CCDC88C: variants seen among roughly 807,000 people sequenced by gnomAD.
The protein encoded by CCDC88C is coiled-coil and HOOK domain protein 88C, also known as protein Daple.
A neutral mutation model predicts 198.8 loss-of-function variants in CCDC88C; 131 were observed. The observed-to-expected ratio is 0.66, with a 90% CI of 0.57 to 0.76. The LOEUF is 0.76. Ranked by LOEUF, CCDC88C falls within the 30% of genes least tolerant of loss-of-function variation. The probability of loss-of-function intolerance (pLI) is 0.00; values close to 1 mark genes in which losing one functional copy is unlikely to be tolerated. For missense variants in CCDC88C, 2,553 were observed against 2,631.6 expected, an observed-to-expected ratio of 0.97 and a Z score of 0.65; for synonymous variants, 1,166 against 1,114.7, an observed-to-expected ratio of 1.05 and a Z score of -0.92.
At chr14:91,287,238 C>T (rs572428431) in intron 25 of CCDC88C, among the ~76,000 whole-genome samples, 2 of 152,306 alleles carry the variant, frequency 1.3e-5, no homozygotes, top group South Asian at 4.1e-4. Context: ...TTCTCATTTA[C>T]TTGCATGTGA....
At chr14:91,348,207 T>C (rs919144545) in intron 4 of CCDC88C, among the ~76,000 whole-genome samples, 1 of 151,874 alleles carries the variant, frequency 6.6e-6, no homozygotes, top group Admixed American at 6.6e-5. Flanking sequence ...GGTTTCACCA[T>C]GTTGGCCAGG....
At chr14:91,363,062 C>T (rs909343841) in intron 3 of CCDC88C, among the ~76,000 whole-genome samples, 2 of 152,182 alleles carry the variant, frequency 1.3e-5, no homozygotes, top group African/African-American at 2.4e-5. Flanking sequence ...TAACTGGTCC[C>T]CTTAAAGAAC....
At position 91,335,972 on chromosome 14, in the gene CCDC88C, G is replaced by A. The variant is rs1427512447; in HGVS notation, c.1050+2033C>T. 5.3e-5 allele frequency among the ~76,000 whole-genome samples: 8 copies of A among 152,130 alleles called. No individual in the cohort carries two copies. In the South Asian group the frequency reaches 1.5e-3, roughly 28 times the overall value. On this transcript the variant is annotated intron_variant, in intron 10 of 29. Transcript: ENST00000389857. ...GCCCAATTCATCACCTGCGTTGGCGGCTCAGTGTCTGCAAACCCACGTTTG... is the reference window on the plus strand; with the variant it reads ...GCCCAATTCATCACCTGCGTTGGCGACTCAGTGTCTGCAAACCCACGTTTG...
intron 29 of CCDC88C, among the ~76,000 whole-genome samples, chr14:91,275,432 C>T (rs150408404): frequency 1.3e-5 from 2 of 152,094 alleles, no homozygotes; most frequent in South Asian, 4.2e-4. Context: ...AGCTGTGGGC[C>T]CCCCCAATTT....
chr14:91,386,690 C>T (rs536960607), intron 3 of CCDC88C, among the ~76,000 whole-genome samples: 24 of 152,170 alleles, frequency 1.6e-4, no homozygotes, highest in Non-Finnish European at 2.9e-4. Context: ...CCACCATGGC[C>T]GAGCCCAGTG....
intron 2 of CCDC88C, among the ~76,000 whole-genome samples, chr14:91,413,674 GC>G (rs1398812551): frequency 2.4e-4 from 36 of 152,284 alleles, no homozygotes; most frequent in African/African-American, 8.2e-4. Context: ...AACCTGTGGG[GC>G]TTCCCTGCTT....
At chr14:91,408,877 C>G in intron 2 of CCDC88C, 110 bp from the exon 3 acceptor site, 1 of 709,688 alleles carries the variant, frequency 1.4e-6, no homozygotes, top group Non-Finnish European at 2.5e-6. Context: ...GACCATGAGG[C>G]TGTGCTGTGG....
chr14:91,348,934 T>A (rs1704247641), intron 4 of CCDC88C, among the ~76,000 whole-genome samples: 1 of 152,116 alleles, frequency 6.6e-6, no homozygotes, highest in South Asian at 2.1e-4. Flanking sequence ...AATTTTTTTT[T>A]AAAAAGCGCC....
chr14:91,334,340 G>C (rs1399439827), intron 10 of CCDC88C, among the ~76,000 whole-genome samples: 1 of 152,150 alleles, frequency 6.6e-6, no homozygotes, highest in Non-Finnish European at 1.5e-5. Flanking sequence ...CTCCTCCAAG[G>C]CTCAAGCAAT....
chr14:91,398,297 A>G (rs1311977781), intron 3 of CCDC88C, among the ~76,000 whole-genome samples: 2 of 152,246 alleles, frequency 1.3e-5, no homozygotes, highest in Non-Finnish European at 2.9e-5. Context: ...TTGGGCGTTC[A>G]GCACACCACC....
chr14:91,324,983 A>G, intron 11 of CCDC88C, 60 bp from the exon 12 acceptor site: 1 of 1,604,122 alleles, frequency 6.2e-7, no homozygotes, highest in Non-Finnish European at 8.5e-7. Flanking sequence ...CCCCTGGACA[A>G]GCCTCAGCCC....
At chr14:91,330,851 ATGTG>A (rs1314416492) in intron 10 of CCDC88C, among the ~76,000 whole-genome samples, 1 of 152,040 alleles carries the variant, frequency 6.6e-6, no homozygotes, top group African/African-American at 2.4e-5. Context: ...TCGAGGGTCT[ATGTG>A]TGTGGGCTAA....
rs750794145 is a variant in CCDC88C at position 91,289,337 on chromosome 14, G to C, written c.4209C>G (p.Asn1403Lys). 1 of 1,613,676 alleles carries C rather than the reference G, an allele frequency of 6.2e-7. No homozygotes were observed. Among genetic ancestry groups the C allele is most frequent in the African/African-American group, 1.3e-5 (1 of 75,046 alleles). The change falls in exon 25 of 30, where the codon AAC becomes AAG. Residue 1403 changes from asparagine (N) to lysine (K), a missense_variant. Around this residue, in one of 2 missense-constraint regions of CCDC88C, gnomAD observed 1,293 missense variants for 1,219.6 expected, o/e 1.06. Transcript: ENST00000389857. Reference sequence around the variant, plus strand: ...CTAAGGCTTTGGCTCCAATCCAGTGGTTCTTCCTGGTTAGAAGTAGATGTT... The same window carrying C: ...CTAAGGCTTTGGCTCCAATCCAGTGCTTCTTCCTGGTTAGAAGTAGATGTT... The part of the protein sequence containing the change: ...KFYDPPPKKK[N>K]HWIGAKALVK...
Position 91,303,866 on chromosome 14 carries a change from T to G in CCDC88C, c.3470A>C (p.Gln1157Pro), listed in dbSNP as rs1332888313. ...ETENESLQRQ[Q>P]EQLTAAYEAL... The stretch of plus-strand genomic sequence containing the variant: ...CTCGTAGGCCGCTGTAAGTTGCTCC[T>G]GCTGCCTCTGCAGGCTTTCGTTCTC... The change falls in exon 20 of 30, where the codon CAG becomes CCG. Residue 1157 changes from glutamine (Q) to proline (P), a missense_variant. Physicochemically the swap from Gln to Pro is moderately conservative, Grantham distance 76. Coordinates refer to ENST00000389857, the MANE Select transcript of CCDC88C (RefSeq NM_001080414.4). The G allele has an allele frequency of 4.3e-6, 7 of 1,613,278 alleles. No individual in the cohort carries two copies. The highest frequency in any genetic ancestry group is 5.9e-6 in the Non-Finnish European group (7 of 1,179,892).
intron 11 of CCDC88C, 68 bp from the exon 12 acceptor site, chr14:91,324,991 C>T: frequency 1.3e-6 from 2 of 1,587,580 alleles, no homozygotes; most frequent in South Asian, 1.1e-5. Flanking sequence ...CAAGCCTCAG[C>T]CCCTGTATAG....
At chr14:91,296,442 G>A (rs868594582) in intron 22 of CCDC88C, among the ~76,000 whole-genome samples, 7 of 152,226 alleles carry the variant, frequency 4.6e-5, no homozygotes, top group Admixed American at 6.5e-5. Context: ...AGATCCTGAC[G>A]CACCTGCCTG....
Position 91,272,870 on chromosome 14 carries a change from C to T in CCDC88C, c.5842G>A (p.Gly1948Arg), listed in dbSNP as rs780045151. Residue 1948 changes from glycine to arginine, a missense_variant, in exon 30 of 30, where the codon GGG (glycine) becomes AGG (arginine). By Grantham distance (125) the Gly-to-Arg change is moderately radical. Coordinates refer to ENST00000389857, the MANE Select transcript of CCDC88C (RefSeq NM_001080414.4). ...ACAGGGGTGATGGTGGCCACCTCCC[C>T]TGAGCGTGGGGGCGCCTTGGGCTTG... ...RTKPKAPPRS[G>R]EVATITPVRA... The T allele has an allele frequency of 1.3e-6, 2 of 1,591,880 alleles. No individual in the cohort carries two copies. Among genetic ancestry groups the T allele is most frequent in the Non-Finnish European group, 1.7e-6 (2 of 1,171,840 alleles).
rs955545333 is a variant in CCDC88C at position 91,272,971 on chromosome 14, C to G, written c.5741G>C (p.Gly1914Ala). 4 of 1,557,070 alleles carry G rather than the reference C, an allele frequency of 2.6e-6. No individual in the cohort carries two copies. The highest frequency in any genetic ancestry group is 1.4e-5 in the African/African-American group (1 of 73,912). The stretch of plus-strand genomic sequence containing the variant: ...GCTGCCACTGCCAGCAGCAGCAGCA[C>G]CAGCACCTGCAGTGGCAATGGCGGG... The part of the protein sequence containing the change: ...TAPAIATAGA[G>A]AAAAGSGSNS... The change falls in exon 30 of 30, where the codon GGT becomes GCT. Residue 1914 changes from glycine (G) to alanine (A), a missense_variant. Physicochemically the swap from Gly to Ala is moderately conservative, Grantham distance 60 (BLOSUM62 0). Coordinates refer to ENST00000389857, the MANE Select transcript of CCDC88C (RefSeq NM_001080414.4).
rs202135619 is a variant in CCDC88C, at chr14:91,305,860, C to T, written c.3262G>A (p.Val1088Met). ...GTCAAGATCTGGCTGCTGAAGGTCA[C>T]GTTCTGGGTCTCCAGGTGCTGCAGC... ...EQLQHLETQN[V>M]TFSSQILTLQ... Residue 1088 changes from valine (V) to methionine (M), a missense_variant, in exon 19 of 30, where the codon GTG becomes ATG. This residue lies in a region of CCDC88C where 1,260 missense variants were observed against 1,412.0 expected (regional missense o/e 0.89). Transcript: ENST00000389857. 1.9e-4 allele frequency: 304 copies of T among 1,613,852 alleles called. No homozygotes were observed. The highest frequency in any genetic ancestry group is 2.4e-4 in the Non-Finnish European group (288 of 1,179,898).
Sources: gnomAD v4.1 joint callset for allele counts (sites outside exome capture counted in the v4.1 genomes callset) on GRCh38, gnomAD v4.1.1 for gene constraint, gnomAD v4.1.1 regional missense constraint, MANE v1.5 for transcripts, NCBI Gene and HGNC (gene_info 2026-07-23, HGNC 2026-07-21) for gene names.